LMNB1: variants seen among roughly 807,000 people sequenced by gnomAD.
LMNB1 encodes lamin-B1.
LMNB1 carries 23 observed loss-of-function variants against 67.1 expected under a neutral mutation model. That is an observed-to-expected ratio of 0.34 (90% CI 0.25 to 0.49). The LOEUF (loss-of-function observed/expected upper bound fraction) is 0.49, where lower values mean the gene tolerates loss of function less well. Ranked by LOEUF, LMNB1 falls within the 20% of genes least tolerant of loss-of-function variation. LMNB1 has a pLI of 0.99. For synonymous variants in LMNB1, 281 were observed against 282.9 expected, an observed-to-expected ratio of 0.99 and a Z score of 0.07; for missense variants, 634 against 746.5, an observed-to-expected ratio of 0.85 and a Z score of 1.76.
At chr5:126,813,377 C>T (rs1242282066) in intron 5 of LMNB1, among the ~76,000 whole-genome samples, 2 of 152,206 alleles carry the variant, frequency 1.3e-5, no homozygotes, top group Non-Finnish European at 2.9e-5. Flanking sequence ...GCCCGTTGCC[C>T]AGAGGCTGCA....
intron 5 of LMNB1, among the ~76,000 whole-genome samples, chr5:126,816,754 C>T (rs1751717547): frequency 6.6e-6 from 1 of 152,112 alleles, no homozygotes; most frequent in African/African-American, 2.4e-5. Context: ...TTGGATTTGT[C>T]CGGTGCTTTT....
chr5:126,820,847 T>G lies in LMNB1; in HGVS notation c.1161-63T>G, dbSNP rs547642614. On this transcript the variant is annotated intron_variant, in intron 6 of 10. Coordinates refer to ENST00000261366, the MANE Select transcript of LMNB1 (RefSeq NM_005573.4). The stretch of plus-strand genomic sequence containing the variant: ...CCAGCCCTTGTTTTTTTGTTTTTTT[T>G]TTTTTTAAGGCGAGAAGGGCATATG... The G allele has an allele frequency of 2.9e-3, 3,851 of 1,314,752 alleles. 37 individuals are homozygous for G. Among genetic ancestry groups the G allele is most frequent in the African/African-American group, 0.026 (1,718 of 67,302 alleles). The allele number at this position is 1,314,752 out of a possible 1,614,324, so 81.4% of individuals were successfully genotyped here.
chr5:126,828,038 A>AT lies in LMNB1; in HGVS notation c.1611+1937dup, dbSNP rs199508711. ...AATTCAGGAAGCATTTACTGGATGC[A>AT]TTTTTTAAAAAAAAATCAGACATGG... is the stretch of plus-strand genomic sequence containing the variant. On this transcript the variant is annotated intron_variant, in intron 9 of 10. Coordinates refer to ENST00000261366, the MANE Select transcript of LMNB1 (RefSeq NM_005573.4). 1.8e-3 allele frequency among the ~76,000 whole-genome samples: 274 copies of AT among 152,308 alleles called. 1 individual carries two copies. The highest frequency in any genetic ancestry group is 3.4e-3 in the Middle Eastern group (1 of 294).
chr5:126,814,975 C>CA (rs1187422906), intron 5 of LMNB1, among the ~76,000 whole-genome samples: 1 of 152,156 alleles, frequency 6.6e-6, no homozygotes, highest in Non-Finnish European at 1.5e-5. Context: ...AGGAGACGAG[C>CA]AATCCCTTTA....
intron 3 of LMNB1, among the ~76,000 whole-genome samples, chr5:126,808,435 C>A (rs1281411700): frequency 6.7e-6 from 1 of 148,658 alleles, no homozygotes; most frequent in African/African-American, 2.5e-5. Flanking sequence ...GTGAGCCACT[C>A]GCCTCAGCCT....
chr5:126,819,048 C>T lies in LMNB1; in HGVS notation c.1066C>T (p.Gln356Ter). The change falls in exon 6 of 11, where the codon CAG becomes TAG. Residue 356 changes from glutamine (Q) to a stop codon, truncating the protein, a stop_gained. Coordinates refer to ENST00000261366, the MANE Select transcript of LMNB1 (RefSeq NM_005573.4). LOFTEE classifies it high-confidence loss of function. ...GGAAATAAGGGATCAAATGCAGCAA[C>T]AGCTGAATGACTATGAACAGCTTCT... The part of the protein sequence containing the change: ...MAEIRDQMQQ[Q>*]LNDYEQLLDV... The T allele has an allele frequency of 6.2e-7, 1 of 1,614,098 alleles. No individual in the cohort carries two copies. The highest frequency in any genetic ancestry group is 8.5e-7 in the Non-Finnish European group (1 of 1,179,982).
chr5:126,832,865 A>G lies in LMNB1; in HGVS notation c.1719+64A>G, dbSNP rs1303072366. ...TATTCACAGAATTACATGAAGACCA[A>G]GAGTGTGGTTGGGTTTTTCCCCTAT... On this transcript the variant is annotated intron_variant, in intron 10 of 10. Coordinates refer to ENST00000261366, the MANE Select transcript of LMNB1 (RefSeq NM_005573.4). 7.8e-6 allele frequency: 9 copies of G among 1,150,972 alleles called. No individual in the cohort carries two copies. The South Asian group carries it at 1.1e-4, about 14-fold the overall frequency. 71.3% of individuals were successfully genotyped at this position (1,150,972 alleles called of 1,614,324 possible). A position where few individuals can be genotyped will look rare whatever the true frequency, so the allele number is the denominator to read the frequency against.
At chr5:126,820,524 CTTCTTA>C (rs1241387075) in intron 6 of LMNB1, among the ~76,000 whole-genome samples, 1 of 151,972 alleles carries the variant, frequency 6.6e-6, no homozygotes, top group African/African-American at 2.4e-5. Flanking sequence ...GGATATTCTT[CTTCTTA>C]TTATTATTAT....
rs925159046 is a variant in LMNB1 at position 126,784,897 on chromosome 5, C to T, written c.359+7030C>T. Among the ~76,000 whole-genome samples the T allele has an allele frequency of 2.6e-5, 4 of 151,612 alleles. No individual in the cohort carries two copies. In the South Asian group the frequency reaches 8.4e-4, roughly 32 times the overall value. On this transcript the variant is annotated intron_variant, in intron 1 of 10. Coordinates refer to ENST00000261366, the MANE Select transcript of LMNB1 (RefSeq NM_005573.4). Reference sequence around the variant, plus strand: ...CGGGATGGGCTCGATCTCCTGACCTCGTGATCCGCCCGCCTCAGCCTCCCA... The same window carrying T: ...CGGGATGGGCTCGATCTCCTGACCTTGTGATCCGCCCGCCTCAGCCTCCCA...
chr5:126,824,438 C>T, intron 8 of LMNB1, among the ~76,000 whole-genome samples: 1 of 151,452 alleles, frequency 6.6e-6, no homozygotes, highest in African/African-American at 2.4e-5. Context: ...TGTATTTTAC[C>T]CTTACAGCAC....
At chr5:126,812,718 CTTTTT>C (rs11430160) in intron 5 of LMNB1, among the ~76,000 whole-genome samples, 1 of 117,158 alleles carries the variant, frequency 8.5e-6, no homozygotes, top group African/African-American at 3.4e-5. Flanking sequence ...CTTTATTTTA[CTTTTT>C]TTTTTTTTTT....
chr5:126,800,982 A>ATATAAAATTTTT, intron 1 of LMNB1, among the ~76,000 whole-genome samples: 1 of 18,638 alleles, frequency 5.4e-5, no homozygotes, highest in African/African-American at 1.7e-4. Flanking sequence ...TATATATATA[A>ATATAAAATTTTT]TTTTTTTTTT....
At chr5:126,778,352 T>C (rs1406449803) in intron 1 of LMNB1, among the ~76,000 whole-genome samples, 2 of 152,080 alleles carry the variant, frequency 1.3e-5, no homozygotes, top group Non-Finnish European at 2.9e-5. Flanking sequence ...GCCTCTAGAA[T>C]GAATGAGCTT....
chr5:126,810,897 G>T (rs1751565187), intron 4 of LMNB1, among the ~76,000 whole-genome samples: 1 of 152,176 alleles, frequency 6.6e-6, no homozygotes, highest in African/African-American at 2.4e-5. Flanking sequence ...GACCTTACAA[G>T]AATTCATAAA....
intron 6 of LMNB1, among the ~76,000 whole-genome samples, chr5:126,820,509 G>T (rs1751837079): frequency 6.6e-6 from 1 of 152,074 alleles, no homozygotes; most frequent in African/African-American, 2.4e-5. Context: ...AGAAATGCAT[G>T]GGTGGGATAT....
At chr5:126,822,307 G>T (rs1751889683) in intron 7 of LMNB1, among the ~76,000 whole-genome samples, 1 of 151,264 alleles carries the variant, frequency 6.6e-6, no homozygotes, top group Admixed American at 6.6e-5. Context: ...CCCTTTTTTT[G>T]AGCCCCTTAT....
intron 5 of LMNB1, among the ~76,000 whole-genome samples, chr5:126,813,565 A>G (rs750716419): frequency 6.6e-6 from 1 of 152,230 alleles, no homozygotes; most frequent in Non-Finnish European, 1.5e-5. Context: ...TATAAACAAC[A>G]GATATGTCAG....
intron 1 of LMNB1, among the ~76,000 whole-genome samples, chr5:126,790,152 A>G (rs564312641): frequency 6.6e-6 from 1 of 152,124 alleles, no homozygotes; most frequent in South Asian, 2.1e-4. Context: ...CCCAGACTGG[A>G]GAGTAGTGAG....
chr5:126,790,945 C>T lies in LMNB1; in HGVS notation c.359+13078C>T, dbSNP rs149646258. Among the ~76,000 whole-genome samples, 136 of 151,992 alleles carry T rather than the reference C, an allele frequency of 8.9e-4. 2 individuals are homozygous for T. The highest frequency in any genetic ancestry group is 3.0e-3 in the African/African-American group (125 of 41,356). On this transcript the variant is annotated intron_variant, in intron 1 of 10. Transcript: ENST00000261366. ...CCGAGGCAAGGGAATTGCTTGAACC[C>T]GGGAGGTGGAGGTTGCAATGAGCCC...
Sources: gnomAD v4.1 joint callset for allele counts (sites outside exome capture counted in the v4.1 genomes callset) on GRCh38, gnomAD v4.1.1 for gene constraint, MANE v1.5 for transcripts, NCBI Gene and HGNC (gene_info 2026-07-23, HGNC 2026-07-21) for gene names.